The following COL4A5 variants were observed in gnomAD, a reference collection of about 807,000 sequenced individuals.
The protein encoded by COL4A5 is collagen type IV alpha 5 chain, also known as collagen alpha-5(IV) chain.
In COL4A5, 26 loss-of-function variants were observed where a neutral mutation model predicts 130.2. The ratio of observed to expected loss-of-function variants is 0.20; its 90% CI spans 0.15 to 0.28. COL4A5 has a LOEUF of 0.28. Ranked by LOEUF, COL4A5 falls within the 10% of genes least tolerant of loss-of-function variation. The pLI is 1.00. For synonymous variants in COL4A5, 496 were observed against 439.6 expected, an observed-to-expected ratio of 1.13 and a Z score of -1.60; for missense variants, 1,131 against 1,344.3, an observed-to-expected ratio of 0.84 and a Z score of 2.48.
chrX:108,495,233 G>C lies in COL4A5; in HGVS notation c.82-44513G>C, dbSNP rs185265050. 5.7e-3 allele frequency among the ~76,000 whole-genome samples: 623 copies of C among 109,495 alleles called. 5 individuals carry two copies. The highest frequency in any genetic ancestry group is 0.014 in the Middle Eastern group (3 of 210). ...AAAAGTTAACTCAGAATGGATCATG[G>C]GTTTAAATATAAAAAGAAAACAATA... On this transcript the variant is annotated intron_variant, in intron 1 of 52. Coordinates refer to ENST00000328300, the MANE Select transcript of COL4A5 (RefSeq NM_033380.3).
chrX:108,563,393 G>C (rs185234210), intron 3 of COL4A5, among the ~76,000 whole-genome samples: 1 of 110,820 alleles, frequency 9.0e-6, no homozygotes, highest in South Asian at 3.8e-4. Context: ...TCGTTCTTAC[G>C]CTCTGCCAAT....
intron 34 of COL4A5, among the ~76,000 whole-genome samples, chrX:108,624,839 G>A (rs2067122079): frequency 1.8e-5 from 2 of 110,886 alleles, no homozygotes; most frequent in African/African-American, 6.6e-5. Context: ...TCTTAGAGTC[G>A]ACATTTTTTT....
intron 1 of COL4A5, among the ~76,000 whole-genome samples, chrX:108,472,111 G>A (rs1391629743): frequency 9.1e-6 from 1 of 110,394 alleles, no homozygotes; most frequent in Non-Finnish European, 1.9e-5. Flanking sequence ...GTTGTTTAAG[G>A]GCTACATTAT....
intron 1 of COL4A5, among the ~76,000 whole-genome samples, chrX:108,458,885 CAGG>C (rs746296162): frequency 9.1e-6 from 1 of 110,365 alleles, no homozygotes; most frequent in South Asian, 3.9e-4. Flanking sequence ...GAGGCTGAGG[CAGG>C]AGAATGGCGT....
intron 3 of COL4A5, among the ~76,000 whole-genome samples, chrX:108,563,507 A>G (rs2065926528): frequency 8.9e-6 from 1 of 112,136 alleles, no homozygotes; most frequent in Admixed American, 9.5e-5. Context: ...CATGGCAAGC[A>G]GATTAACATA....
intron 21 of COL4A5, among the ~76,000 whole-genome samples, 163 bp from the exon 22 acceptor site, chrX:108,595,346 A>C (rs1052543096): frequency 1.8e-5 from 2 of 112,194 alleles, no homozygotes; most frequent in African/African-American, 6.5e-5. Flanking sequence ...CACAGTAAGC[A>C]CTCAGTAATT....
intron 1 of COL4A5, among the ~76,000 whole-genome samples, chrX:108,476,453 A>C (rs980470075): frequency 1.8e-5 from 2 of 108,808 alleles, no homozygotes; most frequent in Non-Finnish European, 3.8e-5. Context: ...TTATATGTAC[A>C]ATTAAATTAT....
chrX:108,679,959 G>T (rs1162312803), intron 44 of COL4A5, among the ~76,000 whole-genome samples: 1 of 112,210 alleles, frequency 8.9e-6, no homozygotes, highest in Non-Finnish European at 1.9e-5. Context: ...GTAATCTGCG[G>T]ATTGGGAAGG....
chrX:108,683,114 G>C (rs1314764208), intron 47 of COL4A5, among the ~76,000 whole-genome samples: 2 of 111,634 alleles, frequency 1.8e-5, no homozygotes, highest in African/African-American at 6.5e-5. Context: ...TCCATGTATG[G>C]CTAGCCAGTT....
At position 108,633,579 on chromosome X, in the gene COL4A5, A is replaced by G. The variant is rs188282937; in HGVS notation, c.3246+7230A>G. ...TTTTAACATTTTACTAATGGAATCAAAATTACCATAATAAATTGTCTCTAC... is the reference window on the plus strand; with the variant it reads ...TTTTAACATTTTACTAATGGAATCAGAATTACCATAATAAATTGTCTCTAC... On this transcript the variant is annotated intron_variant, in intron 36 of 52. Transcript: ENST00000328300. 6.0e-3 allele frequency among the ~76,000 whole-genome samples: 673 copies of G among 111,400 alleles called. 4 individuals are homozygous for G. The highest frequency in any genetic ancestry group is 0.011 in the Non-Finnish European group (569 of 52,952).
chrX:108,684,321 A>G (rs899542629), intron 47 of COL4A5, among the ~76,000 whole-genome samples: 6 of 111,677 alleles, frequency 5.4e-5, no homozygotes, highest in East Asian at 2.8e-4. Context: ...CAATGAATCC[A>G]GGAGCTGGTT....
At chrX:108,477,282 C>A (rs779493502) in intron 1 of COL4A5, among the ~76,000 whole-genome samples, 1 of 111,558 alleles carries the variant, frequency 9.0e-6, no homozygotes, top group Non-Finnish European at 1.9e-5. Flanking sequence ...CTCCTGGGAT[C>A]ATACATAATC....
At chrX:108,638,345 A>G (rs924566295) in intron 36 of COL4A5, among the ~76,000 whole-genome samples, 1 of 110,685 alleles carries the variant, frequency 9.0e-6, no homozygotes, top group Admixed American at 9.7e-5. Flanking sequence ...TAATTAATGC[A>G]AAAAAAAGCA....
At chrX:108,680,654 A>G (rs900519805) in intron 44 of COL4A5, 25 bp from the exon 45 acceptor site, 1 of 1,186,762 alleles carries the variant, frequency 8.4e-7, no homozygotes, top group Admixed American at 2.2e-5. Context: ...ATTTTTTTGT[A>G]ACATTAATGA....
At chrX:108,557,707 GT>G (rs2065842351) in intron 2 of COL4A5, among the ~76,000 whole-genome samples, 1 of 110,874 alleles carries the variant, frequency 9.0e-6, no homozygotes, top group African/African-American at 3.3e-5. Context: ...CTAGAGATAT[GT>G]GTCTTCAATG....
At chrX:108,513,246 C>T (rs1474661382) in intron 1 of COL4A5, among the ~76,000 whole-genome samples, 1 of 110,057 alleles carries the variant, frequency 9.1e-6, no homozygotes, top group African/African-American at 3.3e-5. Context: ...TGCAGTGAGC[C>T]GAGATCGTGC....
At chrX:108,609,924 T>C (rs1211517361) in intron 29 of COL4A5, among the ~76,000 whole-genome samples, 2 of 109,226 alleles carry the variant, frequency 1.8e-5, no homozygotes, top group African/African-American at 3.3e-5. Context: ...TGTAGCTTTA[T>C]AGTAAGACTC....
chrX:108,637,864 T>C, intron 36 of COL4A5, among the ~76,000 whole-genome samples: 1 of 110,197 alleles, frequency 9.1e-6, no homozygotes, highest in South Asian at 3.9e-4. Flanking sequence ...TTTTTTTTTT[T>C]TTTTGAGACA....
intron 1 of COL4A5, among the ~76,000 whole-genome samples, chrX:108,461,320 T>C (rs1045757860): frequency 1.8e-5 from 2 of 110,461 alleles, no homozygotes; most frequent in African/African-American, 3.4e-5. Context: ...GCATTTTTTT[T>C]CCCCTCAGAT....
Sources: allele counts gnomAD v4.1 joint callset (sites outside exome capture counted in the v4.1 genomes callset), GRCh38; gene constraint gnomAD v4.1.1; transcripts MANE v1.5; gene names NCBI Gene and HGNC (gene_info 2026-07-23, HGNC 2026-07-21).